PTPRZ1: variants seen among roughly 807,000 people sequenced by gnomAD.
PTPRZ1 encodes receptor-type tyrosine-protein phosphatase zeta.
In PTPRZ1, 82 loss-of-function variants were observed where a neutral mutation model predicts 214.1. That is an observed-to-expected ratio of 0.38 (90% CI 0.32 to 0.46). PTPRZ1 has a LOEUF of 0.46. Ranked by LOEUF, PTPRZ1 falls within the 20% of genes least tolerant of loss-of-function variation. The pLI is 1.00. For synonymous variants in PTPRZ1, 945 were observed against 987.9 expected, an observed-to-expected ratio of 0.96 and a Z score of 0.81; for missense variants, 2,603 against 2,748.7, an observed-to-expected ratio of 0.95 and a Z score of 1.19.
intron 1 of PTPRZ1, among the ~76,000 whole-genome samples, chr7:121,924,296 T>C (rs188763516): frequency 6.6e-6 from 1 of 152,242 alleles, no homozygotes; most frequent in East Asian, 1.9e-4. Context: ...GATTTCCTGG[T>C]TTTCAAAGTA....
chr7:122,037,673 T>C (rs1799592779), intron 18 of PTPRZ1, among the ~76,000 whole-genome samples: 1 of 152,190 alleles, frequency 6.6e-6, no homozygotes, highest in East Asian at 1.9e-4. Flanking sequence ...GGCAACTGTT[T>C]CATGCTTCCT....
At chr7:121,977,880 A>G (rs777332661) in intron 6 of PTPRZ1, among the ~76,000 whole-genome samples, 5 of 152,130 alleles carry the variant, frequency 3.3e-5, no homozygotes, top group African/African-American at 9.7e-5. Flanking sequence ...TTGAATTCCT[A>G]TACTTAAAAA....
intron 1 of PTPRZ1, among the ~76,000 whole-genome samples, chr7:121,885,764 C>T (rs956519175): frequency 1.3e-5 from 2 of 152,100 alleles, no homozygotes; most frequent in Admixed American, 6.6e-5. Context: ...TCAAGACATC[C>T]TCTTTTACTT....
intron 2 of PTPRZ1, among the ~76,000 whole-genome samples, chr7:121,929,836 AAAT>A (rs1795872655): frequency 6.8e-6 from 1 of 147,820 alleles, no homozygotes; most frequent in South Asian, 2.1e-4. Flanking sequence ...AAAAATAAAT[AAAT>A]AAATAAATAA....
chr7:121,950,211 C>T (rs577538642), intron 2 of PTPRZ1, among the ~76,000 whole-genome samples: 1 of 152,290 alleles, frequency 6.6e-6, no homozygotes, highest in Non-Finnish European at 1.5e-5. Flanking sequence ...GACTTATTCA[C>T]TATCACTAGA....
At chr7:121,916,786 G>A (rs1325188575) in intron 1 of PTPRZ1, among the ~76,000 whole-genome samples, 2 of 152,180 alleles carry the variant, frequency 1.3e-5, no homozygotes, top group African/African-American at 4.8e-5. Context: ...GGTCAAGATA[G>A]GTCACCAATT....
At chr7:121,938,861 C>A (rs1036459296) in intron 2 of PTPRZ1, among the ~76,000 whole-genome samples, 1 of 152,078 alleles carries the variant, frequency 6.6e-6, no homozygotes, top group Non-Finnish European at 1.5e-5. Context: ...ATTCTGATGG[C>A]CTCTTACTAG....
At chr7:121,933,355 A>G (rs977340541) in intron 2 of PTPRZ1, among the ~76,000 whole-genome samples, 1 of 152,090 alleles carries the variant, frequency 6.6e-6, no homozygotes, top group African/African-American at 2.4e-5. Context: ...ACAGAAATAT[A>G]ATCTTTATTT....
rs775201722 is a variant in PTPRZ1, at chr7:122,011,650, A to G, written c.2604A>G (p.Leu868=). 6.2e-6 allele frequency: 10 copies of G among 1,613,816 alleles called. No individual in the cohort carries two copies. The Admixed American group carries it at 1.3e-4, about 22-fold the overall frequency. Residue 868 remains leucine, a synonymous_variant, in exon 12 of 30, where the codon CTA becomes CTG. Transcript: ENST00000393386. ...ASLPVAGGDL[L]LEPSLAQYSD... The stretch of plus-strand genomic sequence containing the variant: ...TGCCAGTGGCTGGGGGTGATTTGCT[A>G]TTAGAGCCCAGCCTTGCTCAGTATT...
chr7:122,056,953 T>A (rs909428461), intron 27 of PTPRZ1, among the ~76,000 whole-genome samples: 1 of 151,998 alleles, frequency 6.6e-6, no homozygotes, highest in Non-Finnish European at 1.5e-5. Context: ...TGTATTTGGG[T>A]ATAGTTCAAA....
intron 23 of PTPRZ1, among the ~76,000 whole-genome samples, chr7:122,049,669 A>G (rs576070144): frequency 1.3e-5 from 2 of 152,294 alleles, no homozygotes; most frequent in African/African-American, 2.4e-5. Context: ...CAAATAAAAT[A>G]TAATGTTGAT....
intron 24 of PTPRZ1, 83 bp downstream of exon 24, chr7:122,051,604 T>C: frequency 8.8e-7 from 1 of 1,138,036 alleles, no homozygotes; most frequent in African/African-American, 1.6e-5. Flanking sequence ...TTGTATACCT[T>C]TGGAGCAAAT....
intron 23 of PTPRZ1, 27 bp from the exon 24 acceptor site, chr7:122,051,399 CCT>C (rs751656566): frequency 6.5e-7 from 1 of 1,533,228 alleles, no homozygotes; most frequent in Admixed American, 1.7e-5. Flanking sequence ...AATGAAATAA[CCT>C]ATATATTTTT....
intron 2 of PTPRZ1, among the ~76,000 whole-genome samples, chr7:121,928,934 C>T (rs1426178311): frequency 6.6e-6 from 1 of 152,082 alleles, no homozygotes; most frequent in Non-Finnish European, 1.5e-5. Flanking sequence ...TGGAGTTGAG[C>T]ATTAGAGTTG....
chr7:121,909,376 G>A (rs866717077), intron 1 of PTPRZ1, among the ~76,000 whole-genome samples: 5 of 150,612 alleles, frequency 3.3e-5, no homozygotes, highest in South Asian at 4.2e-4. Context: ...CAACTGGAAC[G>A]AGTTCCAGTC....
intron 13 of PTPRZ1, among the ~76,000 whole-genome samples, chr7:122,026,912 A>G (rs1325570630): frequency 6.6e-6 from 1 of 152,240 alleles, no homozygotes; most frequent in Non-Finnish European, 1.5e-5. Context: ...TACCTCCAAC[A>G]TGACACACAT....
At chr7:122,056,222 A>G (rs967247392) in intron 27 of PTPRZ1, among the ~76,000 whole-genome samples, 2 of 151,784 alleles carry the variant, frequency 1.3e-5, no homozygotes, top group Admixed American at 6.6e-5. Context: ...TTATATACCT[A>G]TTATCTTGTC....
chr7:122,058,879 A>G lies in PTPRZ1; in HGVS notation c.6608A>G (p.Glu2203Gly), dbSNP rs763017205. ...GATAGCCCCATTAGTAAAACTTTTG[A>G]ACTTATAAGTGTTATAAAAGAAGAA... is the stretch of plus-strand genomic sequence containing the variant. ...NPDSPISKTF[E>G]LISVIKEEAA... is the part of the protein sequence containing the mutation. Residue 2203 changes from glutamate to glycine, a missense_variant, in exon 28 of 30, where the codon GAA becomes GGA. Glu to Gly is a moderately conservative substitution (Grantham distance 98). Transcript: ENST00000393386. 12 of 1,593,276 alleles carry G rather than the reference A, an allele frequency of 7.5e-6. No individual in the cohort carries two copies. The East Asian group carries it at 8.9e-5, about 12-fold the overall frequency.
intron 29 of PTPRZ1, among the ~76,000 whole-genome samples, chr7:122,060,243 G>A (rs1792526697): frequency 6.6e-6 from 1 of 152,176 alleles, no homozygotes. Flanking sequence ...CCAGTTGGCA[G>A]GAGGTCAAAG....
Sources: gnomAD v4.1 joint callset for allele counts (sites outside exome capture counted in the v4.1 genomes callset) on GRCh38, gnomAD v4.1.1 for gene constraint, MANE v1.5 for transcripts, NCBI Gene and HGNC (gene_info 2026-07-23, HGNC 2026-07-21) for gene names.